The following ADGRV1 variants were observed in gnomAD, a reference collection of about 807,000 sequenced individuals.
ADGRV1 encodes the protein adhesion G protein-coupled receptor V1, also known as G-protein coupled receptor 98.
A neutral mutation model predicts 596.2 loss-of-function variants in ADGRV1; 359 were observed. That is an observed-to-expected ratio of 0.60 (90% CI 0.55 to 0.66). The LOEUF is 0.66. Ranked by LOEUF, ADGRV1 falls within the 30% of genes least tolerant of loss-of-function variation. ADGRV1 has a pLI of 0.00. For synonymous variants in ADGRV1, 2,681 were observed against 2,679.2 expected (o/e 1.00, Z -0.02); for missense variants, 7,274 against 7,575.6 (o/e 0.96, Z 1.48).
chr5:91,143,355 C>T (rs1045441196), intron 87 of ADGRV1, among the ~76,000 whole-genome samples: 2 of 152,182 alleles, frequency 1.3e-5, no homozygotes, highest in African/African-American at 4.8e-5. Flanking sequence ...TGCCATTAGG[C>T]AGGTTCCAAG....
chr5:90,596,089 A>AGACGCTCCTCAAC (rs1760500599), intron 1 of ADGRV1, among the ~76,000 whole-genome samples: 1 of 148,146 alleles, frequency 6.8e-6, no homozygotes, highest in Non-Finnish European at 1.5e-5. Context: ...GGCCGGGCAG[A>AGACGCTCCTCAAC]GACGCTCCTC....
At chr5:90,626,248 T>G (rs1052543987) in intron 6 of ADGRV1, 3 of 152,124 alleles carry the variant, frequency 2.0e-5, no homozygotes, top group African/African-American at 7.2e-5. Flanking sequence ...GAAAAGAATT[T>G]TTCTCTTGAA....
chr5:90,766,516 A>G (rs2150031621), intron 59 of ADGRV1, among the ~76,000 whole-genome samples: 1 of 152,254 alleles, frequency 6.6e-6, no homozygotes, highest in South Asian at 2.1e-4. Flanking sequence ...TTTAACATCC[A>G]TGTACACTTT....
intron 21 of ADGRV1, among the ~76,000 whole-genome samples, chr5:90,663,966 A>T (rs1200144809): frequency 6.1e-5 from 9 of 147,736 alleles, no homozygotes; most frequent in Non-Finnish European, 1.3e-4. Context: ...TGTTCCATTG[A>T]TCTATATCTC....
chr5:90,729,875 T>TA, intron 50 of ADGRV1, 111 bp downstream of exon 50: 1 of 1,141,006 alleles, frequency 8.8e-7, no homozygotes, highest in Admixed American at 2.4e-5. Flanking sequence ...TGGGTATTTT[T>TA]TTTTTTTTGG....
At chr5:91,109,234 AT>A (rs1480147779) in intron 87 of ADGRV1, among the ~76,000 whole-genome samples, 1 of 152,160 alleles carries the variant, frequency 6.6e-6, no homozygotes, top group Non-Finnish European at 1.5e-5. Context: ...TATTATTTAC[AT>A]TTTCTTGATA....
chr5:90,754,255 A>C (rs555335134), intron 54 of ADGRV1, among the ~76,000 whole-genome samples: 43 of 152,322 alleles, frequency 2.8e-4, no homozygotes, highest in Admixed American at 8.5e-4. Context: ...AATAGTAATT[A>C]GAATAATTTT....
chr5:90,662,414 C>T (rs569852599), intron 21 of ADGRV1, among the ~76,000 whole-genome samples: 2 of 151,814 alleles, frequency 1.3e-5, no homozygotes, highest in Admixed American at 6.6e-5. Flanking sequence ...AGGATGGTCT[C>T]GATCTCCTGA....
At chr5:90,606,166 T>G (rs73179766) in intron 1 of ADGRV1, among the ~76,000 whole-genome samples, 3,032 of 152,324 alleles carry the variant, frequency 0.02, 91 homozygotes, top group African/African-American at 0.062. Flanking sequence ...AATCAGACGT[T>G]AGCCTCATGT....
At chr5:91,031,325 A>G in intron 85 of ADGRV1, 1 of 1,334,806 alleles carries the variant, frequency 7.5e-7, no homozygotes, top group South Asian at 1.2e-5. Context: ...TGCACTTGCT[A>G]ACAGATACAA....
intron 70 of ADGRV1, among the ~76,000 whole-genome samples, chr5:90,799,891 C>G (rs2150175240): frequency 6.6e-6 from 1 of 152,258 alleles, no homozygotes; most frequent in East Asian, 1.9e-4. Flanking sequence ...AAAACTGAAA[C>G]TGGACCCCTT....
chr5:91,055,292 G>T (rs1027460622), intron 85 of ADGRV1, among the ~76,000 whole-genome samples: 1 of 151,902 alleles, frequency 6.6e-6, no homozygotes, highest in Non-Finnish European at 1.5e-5. Flanking sequence ...TGAATAGCAT[G>T]TAAAATGAAA....
At position 90,823,884 on chromosome 5, in the gene ADGRV1, C is replaced by G. The variant is rs568552344; in HGVS notation, c.16368+288C>G. On this transcript the variant is annotated intron_variant, in intron 76 of 89. Coordinates refer to ENST00000405460, the MANE Select transcript of ADGRV1 (RefSeq NM_032119.4). Reference sequence around the variant, plus strand: ...TTTTATTTGTATTCTTGGTACAATTCTTTCCTTTTCTAGAAATAAATGTCT... The same window carrying G: ...TTTTATTTGTATTCTTGGTACAATTGTTTCCTTTTCTAGAAATAAATGTCT... 2.0e-5 allele frequency among the ~76,000 whole-genome samples: 3 copies of G among 152,204 alleles called. No individual in the cohort carries two copies. The South Asian group carries it at 6.2e-4, about 32-fold the overall frequency.
intron 86 of ADGRV1, among the ~76,000 whole-genome samples, chr5:91,093,956 A>G (rs1790613688): frequency 6.6e-6 from 1 of 151,424 alleles, no homozygotes. Context: ...GGTTCAAGCA[A>G]TTCTCCTGCC....
chr5:90,796,195 A>G (rs1379511960), intron 70 of ADGRV1, among the ~76,000 whole-genome samples: 2 of 152,202 alleles, frequency 1.3e-5, no homozygotes, highest in African/African-American at 4.8e-5. Context: ...AAGGGAGCAT[A>G]TTCTAACCCA....
At position 91,150,158 on chromosome 5, in the gene ADGRV1, A is replaced by C. The variant is rs184970021; in HGVS notation, c.18561A>C (p.Gly6187=). 1 of 1,595,082 alleles carries C rather than the reference A, an allele frequency of 6.3e-7. No individual in the cohort carries two copies. Among genetic ancestry groups the C allele is most frequent in the Admixed American group, 1.8e-5 (1 of 56,632 alleles). Residue 6187 remains glycine, a synonymous_variant, in exon 88 of 90, where the codon GGA becomes GGC. Coordinates refer to ENST00000405460, the MANE Select transcript of ADGRV1 (RefSeq NM_032119.4). Reference sequence around the variant, plus strand: ...CAGCCTTTTTCACGCCCGGGAGTGGAATGCCTCCTGCTGGAGGGGAAATCA... The same window carrying C: ...CAGCCTTTTTCACGCCCGGGAGTGGCATGCCTCCTGCTGGAGGGGAAATCA... ...PSTAFFTPGS[G]MPPAGGEISK...
intron 83 of ADGRV1, among the ~76,000 whole-genome samples, chr5:90,878,886 C>G (rs985247518): frequency 3.3e-5 from 5 of 152,212 alleles, no homozygotes; most frequent in African/African-American, 1.2e-4. Context: ...ATTAAAAACT[C>G]GAACCATATT....
At chr5:90,993,586 G>GT (rs1255673740) in intron 85 of ADGRV1, among the ~76,000 whole-genome samples, 5 of 152,118 alleles carry the variant, frequency 3.3e-5, no homozygotes, top group Non-Finnish European at 5.9e-5. Flanking sequence ...TAAAGTACAA[G>GT]TTTTTTCATA....
At chr5:90,913,904 T>G (rs1773119444) in intron 83 of ADGRV1, among the ~76,000 whole-genome samples, 1 of 152,176 alleles carries the variant, frequency 6.6e-6, no homozygotes, top group Non-Finnish European at 1.5e-5. Flanking sequence ...ATCATAAATC[T>G]TTGCGGGTGA....
Sources: allele counts gnomAD v4.1 joint callset (sites outside exome capture counted in the v4.1 genomes callset), GRCh38; gene constraint gnomAD v4.1.1; transcripts MANE v1.5; gene names NCBI Gene and HGNC (gene_info 2026-07-23, HGNC 2026-07-21).